Variants in DPH6 observed in about 807,000 individuals in gnomAD.
The protein encoded by DPH6 is diphthine--ammonia ligase.
In DPH6, 33 loss-of-function variants were observed where a neutral mutation model predicts 38.2. That is an observed-to-expected ratio of 0.86 (90% CI 0.65 to 1.15). The LOEUF (loss-of-function observed/expected upper bound fraction) is 1.15, where lower values mean the gene tolerates loss of function less well. Among genes scored for constraint, DPH6 ranks in the 50% most tolerant of loss-of-function variants. The pLI, the probability that DPH6 is intolerant of heterozygous loss-of-function variation, is 0.00. For synonymous variants in DPH6, 108 were observed against 103.0 expected (o/e 1.05, Z -0.30); for missense variants, 325 against 320.0 (o/e 1.02, Z -0.12).
chr15:35,512,196 T>C (rs2054783995), intron 3 of DPH6, among the ~76,000 whole-genome samples: 1 of 152,146 alleles, frequency 6.6e-6, no homozygotes, highest in Admixed American at 6.5e-5. Flanking sequence ...ATGATTAAAC[T>C]ACTTTTACTA....
At position 35,545,687 on chromosome 15, in the gene DPH6, G is replaced by A. The variant is rs1595460732; in HGVS notation, c.23+432C>T. On this transcript the variant is annotated intron_variant, in intron 1 of 8. Coordinates refer to ENST00000256538, the MANE Select transcript of DPH6 (RefSeq NM_080650.4). ...AACTACAGAAGAGGACGAAGAAAGCGAGGGGGAAAGGGCGAGGGTTATTAA... is the reference window on the plus strand; with the variant it reads ...AACTACAGAAGAGGACGAAGAAAGCAAGGGGGAAAGGGCGAGGGTTATTAA... Among the ~76,000 whole-genome samples the A allele has an allele frequency of 2.0e-5, 3 of 152,232 alleles. No homozygotes were observed. The South Asian group carries it at 6.2e-4, about 32-fold the overall frequency.
chr15:35,512,636 G>C (rs908018615), intron 3 of DPH6, among the ~76,000 whole-genome samples: 4 of 151,902 alleles, frequency 2.6e-5, no homozygotes, highest in Non-Finnish European at 4.4e-5. Context: ...AGAATATGCA[G>C]TCAAAAGATG....
At chr15:35,145,421 A>G in the DPH6 span, among the ~76,000 whole-genome samples, 1 of 152,336 alleles carries the variant, frequency 6.6e-6, no homozygotes, top group South Asian at 2.1e-4. Flanking sequence ...ATGACTGACA[A>G]TTATTCTTCA....
chr15:35,273,086 G>A (rs1288298241), intron 3 of DPH6, among the ~76,000 whole-genome samples: 4 of 151,984 alleles, frequency 2.6e-5, no homozygotes, highest in South Asian at 4.2e-4. Context: ...AGAACCAAGA[G>A]CCAATTAAAC....
chr15:35,462,295 C>T (rs942268227), intron 3 of DPH6, among the ~76,000 whole-genome samples: 10 of 152,202 alleles, frequency 6.6e-5, no homozygotes, highest in African/African-American at 2.4e-4. Context: ...TCTTTCTAAA[C>T]ACAAGCCATG....
At chr15:35,372,444 C>T (rs1224793951) in intron 8 of DPH6, 4 of 303,162 alleles carry the variant, frequency 1.3e-5, no homozygotes, top group African/African-American at 2.2e-5. Context: ...AATGCCTACA[C>T]ATGAATTCAG....
At chr15:35,434,514 CAGTT>C (rs959767621) in intron 5 of DPH6, among the ~76,000 whole-genome samples, 2 of 151,960 alleles carry the variant, frequency 1.3e-5, no homozygotes, top group African/African-American at 4.8e-5. Flanking sequence ...TCAGTAAAAA[CAGTT>C]AAACTTTTTA....
chr15:35,542,590 A>C (rs1819924563), intron 1 of DPH6, 83 bp from the exon 2 acceptor site: 1 of 1,265,872 alleles, frequency 7.9e-7, no homozygotes, highest in Non-Finnish European at 1.1e-6. Context: ...AAAACAGAAC[A>C]TATCATTTAC....
chr15:35,468,898 T>C (rs570782194), intron 3 of DPH6, among the ~76,000 whole-genome samples: 4 of 152,216 alleles, frequency 2.6e-5, no homozygotes, highest in African/African-American at 9.6e-5. Context: ...TGAAACCCTG[T>C]CTCTACTAAA....
In DPH6 at chr15:35,233,422, T is replaced by A. The variant is rs539243741; in HGVS notation, n.201-12840A>T. On this transcript the variant is annotated intron_variant and non_coding_transcript_variant, in intron 3 of 3. Coordinates refer to the DPH6 transcript ENST00000560386. Reference sequence around the variant, plus strand: ...AAATGGCACAAATTCTTTTTGTTGTTATAAAAATTAAAAATCTTGGATTTT... The same window carrying A: ...AAATGGCACAAATTCTTTTTGTTGTAATAAAAATTAAAAATCTTGGATTTT... Among the ~76,000 whole-genome samples, 6 of 152,352 alleles carry A rather than the reference T, an allele frequency of 3.9e-5. No homozygotes were observed. In the East Asian group the frequency reaches 1.2e-3, roughly 29 times the overall value.
chr15:35,465,990 G>A (rs1218277265), intron 3 of DPH6, among the ~76,000 whole-genome samples: 2 of 152,150 alleles, frequency 1.3e-5, no homozygotes, highest in Non-Finnish European at 2.9e-5. Context: ...TGGAAGTCTA[G>A]CACTACAGTT....
At chr15:35,394,201 A>T (rs2053097912) in intron 6 of DPH6, among the ~76,000 whole-genome samples, 1 of 152,136 alleles carries the variant, frequency 6.6e-6, no homozygotes, top group Non-Finnish European at 1.5e-5. Flanking sequence ...CATCACCTTT[A>T]TGCTATTCTG....
At chr15:35,516,351 G>GTATGTA (rs199973714) in intron 3 of DPH6, among the ~76,000 whole-genome samples, 414 of 152,318 alleles carry the variant, frequency 2.7e-3, no homozygotes, top group African/African-American at 9.5e-3. Context: ...TGACAAGTAA[G>GTATGTA]TATGTAATAG....
the DPH6 span, among the ~76,000 whole-genome samples, chr15:35,200,196 T>C: frequency 3.9e-5 from 6 of 151,914 alleles, no homozygotes; most frequent in Admixed American, 1.3e-4. Flanking sequence ...GAACAATACG[T>C]GGTGTTATAA....
At chr15:35,323,838 A>T (rs1437825928) in intron 3 of DPH6, among the ~76,000 whole-genome samples, 4 of 152,218 alleles carry the variant, frequency 2.6e-5, no homozygotes, top group Non-Finnish European at 5.9e-5. Flanking sequence ...TGCCGGAAAT[A>T]ATTTTATAAC....
At chr15:35,242,507 A>G (rs1164389923) in intron 3 of DPH6, among the ~76,000 whole-genome samples, 1 of 143,462 alleles carries the variant, frequency 7.0e-6, no homozygotes, top group Non-Finnish European at 1.5e-5. Flanking sequence ...CTTCTGTCAG[A>G]CATAATTCCT....
At chr15:35,313,469 G>A (rs2052161611) in intron 3 of DPH6, among the ~76,000 whole-genome samples, 1 of 151,898 alleles carries the variant, frequency 6.6e-6, no homozygotes, top group African/African-American at 2.4e-5. Flanking sequence ...TCCAATCCAT[G>A]AGCATGGAAT....
chr15:35,542,036 G>A (rs781097597), intron 2 of DPH6, among the ~76,000 whole-genome samples: 2 of 152,056 alleles, frequency 1.3e-5, no homozygotes, highest in South Asian at 2.1e-4. Flanking sequence ...CTTGAGGCCT[G>A]AGACTGTATC....
chr15:35,305,879 T>C (rs1265760354), intron 3 of DPH6, among the ~76,000 whole-genome samples: 1 of 152,194 alleles, frequency 6.6e-6, no homozygotes, highest in Non-Finnish European at 1.5e-5. Context: ...GTGGTTATTC[T>C]GTTATTCTTG....
Sources: allele counts gnomAD v4.1 joint callset (sites outside exome capture counted in the v4.1 genomes callset), GRCh38; gene constraint gnomAD v4.1.1; transcripts MANE v1.5; gene names NCBI Gene and HGNC (gene_info 2026-07-23, HGNC 2026-07-21).